PPP3CA: variants seen among roughly 807,000 people sequenced by gnomAD.
The protein encoded by PPP3CA is protein phosphatase 3 catalytic subunit alpha, also known as CAM-PRP catalytic subunit.
A neutral mutation model predicts 66.5 loss-of-function variants in PPP3CA; 14 were observed. That is an observed-to-expected ratio of 0.21 (90% confidence interval 0.14 to 0.33). The LOEUF (loss-of-function observed/expected upper bound fraction) is 0.33. Ranked by LOEUF, PPP3CA falls within the 10% of genes least tolerant of loss-of-function variation. The pLI is 1.00. For synonymous variants in PPP3CA, 232 were observed against 226.2 expected (o/e 1.03, Z -0.23); for missense variants, 317 against 639.5 (o/e 0.50, Z 5.44).
chr4:101,106,460 GAAAAGAAAAGAAA>G (rs1560605231), intron 3 of PPP3CA, among the ~76,000 whole-genome samples: 1,087 of 23,480 alleles, frequency 0.046, 247 homozygotes, highest in East Asian at 0.1. Flanking sequence ...AAAGAGAAAA[GAAAAGAAAAGAAA>G]AGAAAAGAAA....
In PPP3CA at chr4:101,023,441, G is replaced by A. The variant is rs1250881651; in HGVS notation, c.*2424C>T. On this transcript the variant is annotated 3_prime_UTR_variant, in exon 14 of 14. Coordinates refer to ENST00000394854, the MANE Select transcript of PPP3CA (RefSeq NM_000944.5). ...ACTCACATCAACTGCTTATTTTAAT[G>A]TCAAATGTTTATTTCTATGCCATAG... is the stretch of plus-strand genomic sequence containing the variant. 1 of 152,110 alleles carries A rather than the reference G, an allele frequency of 6.6e-6. No homozygotes were observed. 9.4% of individuals were successfully genotyped at this position (152,110 alleles called of 1,614,324 possible).
At chr4:101,320,708 G>T (rs1172822343) in intron 1 of PPP3CA, among the ~76,000 whole-genome samples, 1 of 152,120 alleles carries the variant, frequency 6.6e-6, no homozygotes, top group Non-Finnish European at 1.5e-5. Flanking sequence ...ATGTTTCAAT[G>T]TATAATTAAG....
chr4:101,033,250 T>C (rs1289272299), intron 11 of PPP3CA, among the ~76,000 whole-genome samples: 2 of 147,310 alleles, frequency 1.4e-5, no homozygotes, highest in African/African-American at 5.0e-5. Context: ...ATACATATAT[T>C]TGCGTGTATA....
chr4:101,338,361 AT>A (rs1448785578), intron 1 of PPP3CA, among the ~76,000 whole-genome samples: 1 of 152,174 alleles, frequency 6.6e-6, no homozygotes, highest in Non-Finnish European at 1.5e-5. Flanking sequence ...CTCATCAGAC[AT>A]TTGTGTACTG....
chr4:101,322,272 T>C (rs1729062828), intron 1 of PPP3CA, among the ~76,000 whole-genome samples: 1 of 152,046 alleles, frequency 6.6e-6, no homozygotes, highest in African/African-American at 2.4e-5. Flanking sequence ...TCTTGGAAAA[T>C]GATGGCATTA....
intron 2 of PPP3CA, among the ~76,000 whole-genome samples, chr4:101,160,367 A>G (rs1307476683): frequency 6.6e-6 from 1 of 152,110 alleles, no homozygotes; most frequent in African/African-American, 2.4e-5. Context: ...CCATTTTTTC[A>G]TCTGAAGAAG....
At chr4:101,110,873 T>C (rs180693592) in intron 2 of PPP3CA, among the ~76,000 whole-genome samples, 2 of 152,316 alleles carry the variant, frequency 1.3e-5, no homozygotes, top group Admixed American at 1.3e-4. Flanking sequence ...TCCACAGCTA[T>C]AATTGGAGCT....
Position 101,040,489 on chromosome 4 carries a change from C to G in PPP3CA, c.1234G>C (p.Val412Leu). ...AIGKMARVFS[V>L]LREESESVLT... ...GAGTACGAATGCACCCACCTGAGCA[C>G]TGAGAACACTCTGGCCATTTTGCCT... The change falls in exon 11 of 14, where the codon GTG becomes CTG. Residue 412 changes from valine to leucine, a missense_variant. Val to Leu is a conservative substitution (Grantham distance 32, BLOSUM62 1). Around this residue, in one of 3 missense-constraint regions of PPP3CA, gnomAD observed 201 missense variants for 501.4 expected, o/e 0.40. Transcript: ENST00000394854. 2.5e-6 allele frequency: 4 copies of G among 1,610,822 alleles called. No homozygotes were observed. Among genetic ancestry groups the G allele is most frequent in the Non-Finnish European group, 3.4e-6 (4 of 1,178,404 alleles).
At chr4:101,099,761 C>T in intron 3 of PPP3CA, 39 bp from the exon 4 acceptor site, 1 of 1,138,788 alleles carries the variant, frequency 8.8e-7, no homozygotes, top group Non-Finnish European at 1.2e-6. Context: ...AAATATTTTT[C>T]CTTAACACTT....
intron 8 of PPP3CA, among the ~76,000 whole-genome samples, chr4:101,065,954 A>T (rs972367681): frequency 4.1e-4 from 62 of 152,126 alleles, no homozygotes; most frequent in Admixed American, 3.2e-3. Flanking sequence ...TTCAGATTTT[A>T]TTTTCATTTA....
At chr4:101,160,267 T>G (rs1292734309) in intron 2 of PPP3CA, among the ~76,000 whole-genome samples, 1 of 152,024 alleles carries the variant, frequency 6.6e-6, no homozygotes, top group Non-Finnish European at 1.5e-5. Flanking sequence ...CCATGGAAAA[T>G]CCATTGACAA....
chr4:101,156,089 T>TG (rs1287408462), intron 2 of PPP3CA, among the ~76,000 whole-genome samples: 1 of 152,210 alleles, frequency 6.6e-6, no homozygotes, highest in African/African-American at 2.4e-5. Context: ...TCCTAGTACC[T>TG]GCTCTATGAT....
At chr4:101,103,020 A>AT (rs1219938594) in intron 3 of PPP3CA, among the ~76,000 whole-genome samples, 1 of 151,742 alleles carries the variant, frequency 6.6e-6, no homozygotes, top group African/African-American at 2.4e-5. Context: ...TTTAAAATTA[A>AT]TTTTTGCCAC....
chr4:101,107,577 T>C (rs1730807796), intron 3 of PPP3CA, among the ~76,000 whole-genome samples: 1 of 152,384 alleles, frequency 6.6e-6, no homozygotes, highest in Admixed American at 6.5e-5. Flanking sequence ...ATCTGTGATC[T>C]TTAAATGCAG....
At chr4:101,075,495 G>A (rs900912524) in intron 8 of PPP3CA, among the ~76,000 whole-genome samples, 7 of 152,040 alleles carry the variant, frequency 4.6e-5, no homozygotes, top group African/African-American at 1.7e-4. Flanking sequence ...CTAATCACCC[G>A]TCCATCCAAC....
intron 1 of PPP3CA, among the ~76,000 whole-genome samples, chr4:101,269,598 GTGTT>G (rs1320392461): frequency 1.4e-5 from 2 of 142,530 alleles, no homozygotes; most frequent in Non-Finnish European, 3.1e-5. Context: ...GTGTGTGTGT[GTGTT>G]TTAACTGCTA....
At chr4:101,261,665 A>T (rs1310992144) in intron 1 of PPP3CA, among the ~76,000 whole-genome samples, 4 of 152,088 alleles carry the variant, frequency 2.6e-5, no homozygotes, top group Non-Finnish European at 5.9e-5. Context: ...ACTTTCTTCA[A>T]AAGTATCAGT....
At chr4:101,088,193 G>A (rs1208298582) in intron 6 of PPP3CA, among the ~76,000 whole-genome samples, 1 of 151,998 alleles carries the variant, frequency 6.6e-6, no homozygotes, top group East Asian at 1.9e-4. Flanking sequence ...TATAATGACG[G>A]CACTATTCAC....
intron 8 of PPP3CA, among the ~76,000 whole-genome samples, chr4:101,067,235 A>G (rs1319319735): frequency 6.6e-6 from 1 of 152,172 alleles, no homozygotes; most frequent in Non-Finnish European, 1.5e-5. Flanking sequence ...TGTCAAAATT[A>G]CTGTCTTAAA....
Sources: allele counts gnomAD v4.1 joint callset (sites outside exome capture counted in the v4.1 genomes callset), GRCh38; gene constraint gnomAD v4.1.1; regional missense constraint gnomAD v4.1.1; transcripts MANE v1.5; gene names NCBI Gene and HGNC (gene_info 2026-07-23, HGNC 2026-07-21).